LCLAT1: variants seen among roughly 807,000 people sequenced by gnomAD.
LCLAT1 encodes 1-AGP acyltransferase 8.
Under a neutral mutation model 30.7 loss-of-function variants are expected in LCLAT1, and 11 were observed. The ratio of observed to expected loss-of-function variants is 0.36; its 90% CI spans 0.23 to 0.59. LCLAT1 has a LOEUF of 0.59. Ranked by LOEUF, LCLAT1 falls within the 20% of genes least tolerant of loss-of-function variation. The pLI, the probability that LCLAT1 is intolerant of heterozygous loss-of-function variation, is 0.77. For missense variants in LCLAT1, 402 were observed against 458.6 expected (o/e 0.88, Z 1.13); for synonymous variants, 155 against 151.3 (o/e 1.02, Z -0.18).
At chr2:30,508,609 A>G (rs1430587260) in intron 1 of LCLAT1, among the ~76,000 whole-genome samples, 4 of 151,974 alleles carry the variant, frequency 2.6e-5, no homozygotes, top group African/African-American at 4.8e-5. Flanking sequence ...CCATTGGTCT[A>G]TGTGTCTGTT....
At chr2:30,516,399 C>T (rs1369787039) in intron 1 of LCLAT1, among the ~76,000 whole-genome samples, 1 of 152,202 alleles carries the variant, frequency 6.6e-6, no homozygotes, top group Non-Finnish European at 1.5e-5. Flanking sequence ...AAGGTGTCTG[C>T]TGCGCTTCTG....
intron 4 of LCLAT1, among the ~76,000 whole-genome samples, chr2:30,563,813 T>C (rs1420534540): frequency 6.6e-6 from 1 of 152,218 alleles, no homozygotes; most frequent in Non-Finnish European, 1.5e-5. Flanking sequence ...AGCAAGTGAA[T>C]AGGTGACTGA....
chr2:30,552,686 C>A (rs780475497), intron 3 of LCLAT1: 2 of 269,566 alleles, frequency 7.4e-6, no homozygotes, highest in Non-Finnish European at 1.5e-5. Context: ...TTAACTTTAT[C>A]TATCCAGCAT....
intron 5 of LCLAT1, among the ~76,000 whole-genome samples, chr2:30,611,083 CTTTT>C (rs369145708): frequency 7.2e-6 from 1 of 138,870 alleles, no homozygotes; most frequent in Admixed American, 7.2e-5. Context: ...CTACTTTTAG[CTTTT>C]TTTTTTTTTT....
chr2:30,583,669 A>G (rs1032249167), intron 5 of LCLAT1, among the ~76,000 whole-genome samples: 2 of 152,204 alleles, frequency 1.3e-5, no homozygotes, highest in African/African-American at 2.4e-5. Flanking sequence ...TAGCAAATGG[A>G]GAGAAAAGAA....
rs189599202 is a variant in LCLAT1, at chr2:30,457,101, G to C, written c.-5+9718G>C. Among the ~76,000 whole-genome samples, 98 of 152,310 alleles carry C rather than the reference G, an allele frequency of 6.4e-4. No homozygotes were observed. In the South Asian group the frequency reaches 8.9e-3, roughly 14 times the overall value. ...CTCTCTTTAGTTTTAGATTTCTTAAGAGGTTTGACAGTATAGTGAATTACT... is the reference window on the plus strand; with the variant it reads ...CTCTCTTTAGTTTTAGATTTCTTAACAGGTTTGACAGTATAGTGAATTACT... On this transcript the variant is annotated intron_variant, in intron 1 of 5. Transcript: ENST00000379509.
chr2:30,449,285 T>A (rs142873654), intron 1 of LCLAT1, among the ~76,000 whole-genome samples: 48 of 152,290 alleles, frequency 3.2e-4, no homozygotes, highest in African/African-American at 1.1e-3. Flanking sequence ...TTTTTCTTTT[T>A]CAAAGGCTCT....
chr2:30,602,263 C>T (rs1347900476), intron 5 of LCLAT1, among the ~76,000 whole-genome samples: 1 of 152,048 alleles, frequency 6.6e-6, no homozygotes, highest in Non-Finnish European at 1.5e-5. Flanking sequence ...TAAAACCAGA[C>T]ATTTTCTGCA....
intron 1 of LCLAT1, among the ~76,000 whole-genome samples, chr2:30,519,773 G>A (rs889306448): frequency 2.9e-4 from 44 of 152,092 alleles, no homozygotes; most frequent in African/African-American, 1.0e-3. Context: ...AGCACCTTTG[G>A]GTCCCCTCCC....
At chr2:30,494,131 G>A (rs981700797) in intron 1 of LCLAT1, among the ~76,000 whole-genome samples, 85 of 152,302 alleles carry the variant, frequency 5.6e-4, no homozygotes, top group African/African-American at 2.0e-3. Flanking sequence ...GATGAGGCAG[G>A]AGGATCACTT....
chr2:30,493,498 C>T (rs1285245120), intron 1 of LCLAT1, among the ~76,000 whole-genome samples: 6 of 152,178 alleles, frequency 3.9e-5, no homozygotes, highest in Non-Finnish European at 8.8e-5. Context: ...TTATACCAAG[C>T]ATGTTCTAGA....
chr2:30,471,008 G>T (rs1313763938), intron 1 of LCLAT1, among the ~76,000 whole-genome samples: 1 of 150,462 alleles, frequency 6.6e-6, no homozygotes, highest in Non-Finnish European at 1.5e-5. Context: ...CTGCCTCCCG[G>T]ATTCAAGCAA....
intron 1 of LCLAT1, among the ~76,000 whole-genome samples, chr2:30,480,769 C>G (rs950847820): frequency 6.6e-6 from 1 of 152,048 alleles, no homozygotes; most frequent in African/African-American, 2.4e-5. Flanking sequence ...GGGGAAAATT[C>G]GAGCTCTTTC....
intron 1 of LCLAT1, 113 bp from the exon 2 acceptor site, chr2:30,525,474 G>A (rs1450874683): frequency 1.2e-6 from 1 of 800,332 alleles, no homozygotes; most frequent in African/African-American, 1.7e-5. Flanking sequence ...TTGTTTCTTA[G>A]AGCCTTTCTG....
At chr2:30,464,908 A>T (rs1160178354) in intron 1 of LCLAT1, among the ~76,000 whole-genome samples, 1 of 151,808 alleles carries the variant, frequency 6.6e-6, no homozygotes, top group Non-Finnish European at 1.5e-5. Flanking sequence ...TTACATAGAG[A>T]TGGAATTTTG....
intron 5 of LCLAT1, among the ~76,000 whole-genome samples, chr2:30,632,382 G>A (rs1274851934): frequency 6.6e-6 from 1 of 152,150 alleles, no homozygotes; most frequent in African/African-American, 2.4e-5. Flanking sequence ...TCTAAGGAGT[G>A]AGTTAGTAGG....
rs182633606 is a variant in LCLAT1, at chr2:30,600,477, A to C, written c.628+32301A>C. Among the ~76,000 whole-genome samples the C allele has an allele frequency of 6.4e-3, 980 of 152,248 alleles. 16 individuals are homozygous for C. The highest frequency in any genetic ancestry group is 0.022 in the African/African-American group (901 of 41,560). On this transcript the variant is annotated intron_variant, in intron 5 of 5. Transcript: ENST00000379509. The stretch of plus-strand genomic sequence containing the variant: ...AGAACTAGAGAACCAAGAGCAAACA[A>C]ACTCCAAAGCTAGCAGAAGACAAGA...
chr2:30,617,036 T>C (rs1668027675), intron 5 of LCLAT1, among the ~76,000 whole-genome samples: 1 of 152,172 alleles, frequency 6.6e-6, no homozygotes, highest in Non-Finnish European at 1.5e-5. Flanking sequence ...AAAACAGCTT[T>C]TAGAGGTAGA....
At chr2:30,534,973 T>C (rs574577963) in intron 3 of LCLAT1, among the ~76,000 whole-genome samples, 4 of 152,256 alleles carry the variant, frequency 2.6e-5, no homozygotes, top group South Asian at 2.1e-4. Flanking sequence ...AGAATAACAT[T>C]ATACCAATGA....
Sources: gnomAD v4.1 joint callset for allele counts (sites outside exome capture counted in the v4.1 genomes callset) on GRCh38, gnomAD v4.1.1 for gene constraint, MANE v1.5 for transcripts, NCBI Gene and HGNC (gene_info 2026-07-23, HGNC 2026-07-21) for gene names.